EMCN: variants seen among roughly 807,000 people sequenced by gnomAD.
EMCN encodes the protein MUC-14.
EMCN carries 37 observed loss-of-function variants against 38.4 expected under a neutral mutation model. That is an observed-to-expected ratio of 0.96 (90% CI 0.74 to 1.27). EMCN has a LOEUF of 1.27. EMCN is among the 50% of genes most tolerant of loss of function. The probability of loss-of-function intolerance (pLI) is 0.00; values close to 1 mark genes in which losing one functional copy is unlikely to be tolerated. For synonymous variants in EMCN, 95 were observed against 100.8 expected (o/e 0.94, Z 0.35); for missense variants, 318 against 302.8 (o/e 1.05, Z -0.37).
chr4:100,464,109 A>G (rs911531061), intron 4 of EMCN, among the ~76,000 whole-genome samples: 2 of 151,932 alleles, frequency 1.3e-5, no homozygotes, highest in Non-Finnish European at 2.9e-5. Context: ...TAGTGTATAA[A>G]TCTTGCACTT....
At chr4:100,428,589 A>G (rs1727116287) in intron 5 of EMCN, among the ~76,000 whole-genome samples, 1 of 152,274 alleles carries the variant, frequency 6.6e-6, no homozygotes, top group East Asian at 1.9e-4. Flanking sequence ...CAAATGTTAT[A>G]ACAGTGTCTG....
At chr4:100,471,081 G>A (rs1485720702) in intron 3 of EMCN, among the ~76,000 whole-genome samples, 1 of 151,694 alleles carries the variant, frequency 6.6e-6, no homozygotes, top group Non-Finnish European at 1.5e-5. Context: ...GAAGCCGTGG[G>A]AAAGAAACAC....
intron 1 of EMCN, among the ~76,000 whole-genome samples, chr4:100,490,613 CTACTG>C (rs1396891435): frequency 6.6e-6 from 1 of 152,130 alleles, no homozygotes; most frequent in Non-Finnish European, 1.5e-5. Context: ...TTTAAATTGC[CTACTG>C]TATTCCATAC....
Position 100,410,283 on chromosome 4 carries a change from T to C in EMCN, c.*38A>G. On this transcript the variant is annotated splice_region_variant and 3_prime_UTR_variant, in exon 11 of 12. Transcript: ENST00000296420. Reference sequence around the variant, plus strand: ...CGTGAATGAAATTGGGAAACTTACGTAATTATTGCCTAGGTGTGGAGAGAA... The same window carrying C: ...CGTGAATGAAATTGGGAAACTTACGCAATTATTGCCTAGGTGTGGAGAGAA... The C allele has an allele frequency of 6.3e-7, 1 of 1,599,758 alleles. No individual in the cohort carries two copies. Among genetic ancestry groups the C allele is most frequent in the Non-Finnish European group, 8.6e-7 (1 of 1,167,028 alleles).
intron 4 of EMCN, among the ~76,000 whole-genome samples, chr4:100,454,847 T>A (rs752454957): frequency 6.6e-6 from 1 of 152,152 alleles, no homozygotes; most frequent in African/African-American, 2.4e-5. Context: ...CTCTGTCTGA[T>A]ATTATTGTAG....
intron 1 of EMCN, among the ~76,000 whole-genome samples, chr4:100,516,876 C>T (rs890076979): frequency 2.6e-5 from 4 of 151,870 alleles, no homozygotes; most frequent in African/African-American, 9.7e-5. Flanking sequence ...CCCCAAGACC[C>T]CTCAGAGTCT....
chr4:100,414,903 C>G (rs1726671226), intron 10 of EMCN, among the ~76,000 whole-genome samples: 1 of 151,856 alleles, frequency 6.6e-6, no homozygotes, highest in Non-Finnish European at 1.5e-5. Context: ...TTTTTTATAT[C>G]TATATTTTTA....
intron 1 of EMCN, among the ~76,000 whole-genome samples, chr4:100,493,162 A>G (rs1729129120): frequency 6.6e-6 from 1 of 152,182 alleles, no homozygotes; most frequent in South Asian, 2.1e-4. Context: ...GCCATCTCCA[A>G]CCCATTTAGT....
intron 10 of EMCN, among the ~76,000 whole-genome samples, chr4:100,411,467 C>T (rs1031675539): frequency 6.6e-5 from 10 of 152,068 alleles, no homozygotes; most frequent in Non-Finnish European, 1.2e-4. Context: ...TAATATTCTT[C>T]CTCAAGGTCT....
rs1289072958 is a variant in EMCN, at chr4:100,396,343, C to T, written c.*2070G>A. 6.6e-6 allele frequency: 1 copy of T among 152,030 alleles called. No homozygotes were observed. The highest frequency in any genetic ancestry group is 2.4e-5 in the African/African-American group (1 of 41,414). The allele number at this position is 152,030 out of a possible 1,614,324, so 9.4% of individuals were successfully genotyped here. On this transcript the variant is annotated 3_prime_UTR_variant, in exon 12 of 12. Transcript: ENST00000296420. ...TTAAAATTGTTCCCTCTTCCTAATT[C>T]TTGTAAACTCTTTTCTAACCATGCT...
chr4:100,497,668 T>A (rs6830329), intron 1 of EMCN, among the ~76,000 whole-genome samples: 2 of 151,990 alleles, frequency 1.3e-5, no homozygotes, highest in Non-Finnish European at 1.5e-5. Context: ...GAGCCACCGC[T>A]CCAGGCCCAA....
At chr4:100,503,705 G>T (rs1014071556) in intron 1 of EMCN, among the ~76,000 whole-genome samples, 2 of 151,940 alleles carry the variant, frequency 1.3e-5, no homozygotes, top group East Asian at 3.9e-4. Context: ...CAGGAAGCTG[G>T]GGTGGTATGT....
intron 11 of EMCN, among the ~76,000 whole-genome samples, chr4:100,406,971 C>G (rs995655477): frequency 6.6e-6 from 1 of 151,456 alleles, no homozygotes; most frequent in Non-Finnish European, 1.5e-5. Flanking sequence ...CCCTTTATCA[C>G]TTCCTTTCTT....
rs1726122172 is a variant in EMCN at position 100,396,501 on chromosome 4, A to G, written c.*1912T>C. ...TTTTTGCTGAAGAGCTCGGTAAATT[A>G]TCTAGGTGTGCTGGGACTTTCTTTC... On this transcript the variant is annotated 3_prime_UTR_variant, in exon 12 of 12. Transcript: ENST00000296420. The G allele has an allele frequency of 7.0e-6, 1 of 142,284 alleles. No homozygotes were observed. Among genetic ancestry groups the G allele is most frequent in the Non-Finnish European group, 1.5e-5 (1 of 65,230 alleles). 8.8% of individuals were successfully genotyped at this position (142,284 alleles called of 1,614,324 possible).
In EMCN at chr4:100,475,658, C is replaced by CATTTTTTTTTTTTTTTTTTT. The variant is rs1728617733; in HGVS notation, c.188-550_188-549insAAAAAAAAAAAAAAAAAAAT. Among the ~76,000 whole-genome samples the CATTTTTTTTTTTTTTTTTTT allele has an allele frequency of 4.6e-5, 5 of 108,092 alleles. 1 individual carries two copies. The highest frequency in any genetic ancestry group is 1.1e-4 in the African/African-American group (3 of 27,062). The allele number at this position is 108,092 out of a possible 152,430, so 70.9% of individuals were successfully genotyped here. A position where few individuals can be genotyped will look rare whatever the true frequency, so the allele number is the denominator to read the frequency against. On this transcript the variant is annotated intron_variant, in intron 2 of 11. Transcript: ENST00000296420. ...CTTGAGGGCAGTATCCAATTCTAGT[C>CATTTTTTTTTTTTTTTTTTT]CTTTTTTTTTTTTTTTTTTTTTTTT...
intron 1 of EMCN, among the ~76,000 whole-genome samples, chr4:100,481,607 C>T (rs1023155218): frequency 9.2e-5 from 14 of 152,052 alleles, no homozygotes; most frequent in Non-Finnish European, 2.9e-5. Context: ...AATGCAGCCT[C>T]TAGAAGCTTA....
chr4:100,445,014 T>C (rs1230368278), intron 5 of EMCN, among the ~76,000 whole-genome samples: 1 of 152,134 alleles, frequency 6.6e-6, no homozygotes, highest in Non-Finnish European at 1.5e-5. Flanking sequence ...GGGTCTCTTC[T>C]GGTTTTGAGT....
In EMCN at chr4:100,473,365, G is replaced by GTTTTTTTTTTTTTTTTTT; in HGVS notation, c.259+1672_259+1673insAAAAAAAAAAAAAAAAAA. Among the ~76,000 whole-genome samples the GTTTTTTTTTTTTTTTTTT allele has an allele frequency of 9.7e-4, 29 of 29,858 alleles. 4 individuals carry two copies. The highest frequency in any genetic ancestry group is 2.2e-3 in the South Asian group (1 of 456). 19.6% of individuals were successfully genotyped at this position (29,858 alleles called of 152,430 possible). A position where few individuals can be genotyped will look rare whatever the true frequency, so the allele number is the denominator to read the frequency against. ...TTCTAATGGGCATTTCCCGTTTCGT[G>GTTTTTTTTTTTTTTTTTT]TTTTTTTGTTTTTTTTTTTTGTTTT... On this transcript the variant is annotated intron_variant, in intron 3 of 11. Coordinates refer to ENST00000296420, the MANE Select transcript of EMCN (RefSeq NM_016242.4).
chr4:100,440,539 C>G (rs892217214), intron 5 of EMCN, among the ~76,000 whole-genome samples: 4 of 152,038 alleles, frequency 2.6e-5, no homozygotes, highest in African/African-American at 7.2e-5. Flanking sequence ...TGGCCTCCAA[C>G]TCCATCCAAA....
Sources: gnomAD v4.1 joint callset for allele counts (sites outside exome capture counted in the v4.1 genomes callset) on GRCh38, gnomAD v4.1.1 for gene constraint, MANE v1.5 for transcripts, NCBI Gene and HGNC (gene_info 2026-07-23, HGNC 2026-07-21) for gene names.